The following SLC38A12 variants were observed in gnomAD, a reference collection of about 807,000 sequenced individuals.
SLC38A12 encodes solute carrier family 38 member 12.
At chr17:74,810,855 A>G in the SLC38A12 span, among the ~76,000 whole-genome samples, 4 of 152,210 alleles carry the variant, frequency 2.6e-5, no homozygotes, top group Non-Finnish European at 5.9e-5. Context: ...ACAGTGGTTC[A>G]TGGGATTTGG....
chr17:74,776,971 G>A, the SLC38A12 span, among the ~76,000 whole-genome samples: 54,196 of 151,854 alleles, frequency 0.36, 11,501 homozygotes, highest in Non-Finnish European at 0.48. Context: ...CTTGTGGTGG[G>A]TGAGACTTAG....
the SLC38A12 span, among the ~76,000 whole-genome samples, chr17:74,807,671 G>A: frequency 6.6e-6 from 1 of 152,232 alleles, no homozygotes; most frequent in Non-Finnish European, 1.5e-5. Flanking sequence ...GCTGGAATCC[G>A]TCCACTGCCG....
chr17:74,778,639 CTTTTTTTTTTTTT>C, the SLC38A12 span, among the ~76,000 whole-genome samples: 9 of 75,816 alleles, frequency 1.2e-4, no homozygotes, highest in African/African-American at 5.0e-4. Flanking sequence ...CAGGGGAAGT[CTTTTTTTTTTTTT>C]TTTTTTTTTT....
the SLC38A12 span, chr17:74,836,020 A>G: frequency 1.1e-5 from 17 of 1,610,374 alleles, no homozygotes; most frequent in Non-Finnish European, 1.4e-5. The surrounding 1 kb of genome is among the most constrained non-coding windows in gnomAD (Gnocchi z 4.2). Context: ...GGGGTCCGGA[A>G]CCTGTTTGGG....
chr17:74,828,344 G>A, the SLC38A12 span, among the ~76,000 whole-genome samples: 6 of 152,226 alleles, frequency 3.9e-5, 1 homozygote, highest in Non-Finnish European at 8.8e-5. Context: ...CATGCCTGGA[G>A]GAAGACCCTT....
the SLC38A12 span, chr17:74,777,404 CACTT>C: frequency 6.2e-7 from 1 of 1,614,050 alleles, no homozygotes; most frequent in African/African-American, 1.3e-5. Flanking sequence ...ACCTTTTGCT[CACTT>C]AAGTGTTCCT....
the SLC38A12 span, among the ~76,000 whole-genome samples, chr17:74,807,398 G>A: frequency 6.6e-6 from 1 of 152,256 alleles, no homozygotes. Flanking sequence ...AGGTTGCAAT[G>A]AGGGAAACTG....
the SLC38A12 span, among the ~76,000 whole-genome samples, chr17:74,784,253 C>T: frequency 6.6e-5 from 10 of 152,214 alleles, no homozygotes; most frequent in East Asian, 5.8e-4. Flanking sequence ...GTAAAGCATA[C>T]GGTATGTCAC....
At chr17:74,785,244 G>A in the SLC38A12 span, among the ~76,000 whole-genome samples, 1 of 152,210 alleles carries the variant, frequency 6.6e-6, no homozygotes, top group Admixed American at 6.5e-5. Context: ...AGCAGAGACT[G>A]AAACTGAACC....
At chr17:74,784,270 TAGC>T in the SLC38A12 span, among the ~76,000 whole-genome samples, 1 of 152,154 alleles carries the variant, frequency 6.6e-6, no homozygotes, top group African/African-American at 2.4e-5. Flanking sequence ...TCACCCAATT[TAGC>T]AGAGTACAGG....
chr17:74,789,543 CAAA>C, the SLC38A12 span, among the ~76,000 whole-genome samples: 23 of 110,688 alleles, frequency 2.1e-4, no homozygotes, highest in Admixed American at 3.0e-4. Flanking sequence ...GCAAGCATTT[CAAA>C]AAAAAAAAAA....
chr17:74,804,653 A>G, the SLC38A12 span, among the ~76,000 whole-genome samples: 1 of 152,202 alleles, frequency 6.6e-6, no homozygotes, highest in African/African-American at 2.4e-5. Context: ...GTGACTCTAG[A>G]AGGGTCTTGA....
chr17:74,794,736 G>C, the SLC38A12 span, among the ~76,000 whole-genome samples: 1 of 152,012 alleles, frequency 6.6e-6, no homozygotes, highest in African/African-American at 2.4e-5. Context: ...CCGTGCACCT[G>C]TCTGGCTTCA....
the SLC38A12 span, among the ~76,000 whole-genome samples, chr17:74,818,640 C>G: frequency 6.6e-6 from 1 of 152,178 alleles, no homozygotes; most frequent in Non-Finnish European, 1.5e-5. Flanking sequence ...GGCCAGAGCC[C>G]GACTCCCCAA....
the SLC38A12 span, among the ~76,000 whole-genome samples, chr17:74,800,700 T>C: frequency 6.6e-6 from 1 of 152,220 alleles, no homozygotes; most frequent in African/African-American, 2.4e-5. Context: ...GGCACCACTC[T>C]TGTTGCTTTC....
At chr17:74,808,074 A>G in the SLC38A12 span, among the ~76,000 whole-genome samples, 3 of 152,218 alleles carry the variant, frequency 2.0e-5, no homozygotes, top group African/African-American at 7.2e-5. Context: ...TCTGGCATCA[A>G]ATACTTGGAA....
chr17:74,808,980 G>A, the SLC38A12 span, among the ~76,000 whole-genome samples: 17 of 152,146 alleles, frequency 1.1e-4, no homozygotes, highest in Non-Finnish European at 1.6e-4. Context: ...TCCCACGCAC[G>A]GGCTCCTATG....
At chr17:74,832,627 T>C in the SLC38A12 span, among the ~76,000 whole-genome samples, 1 of 152,236 alleles carries the variant, frequency 6.6e-6, no homozygotes, top group African/African-American at 2.4e-5. Context: ...ACACTCGGTC[T>C]GCTCAGCCCC....
At chr17:74,797,188 C>T in the SLC38A12 span, among the ~76,000 whole-genome samples, 4 of 152,204 alleles carry the variant, frequency 2.6e-5, no homozygotes, top group African/African-American at 7.2e-5. Context: ...TATTTAGAAG[C>T]GTTATTCTTG....
Sources: gnomAD v4.1 joint callset for allele counts (sites outside exome capture counted in the v4.1 genomes callset) on GRCh38, gnomAD v4.1.1 for gene constraint, Gnocchi (gnomAD v3.1) non-coding constraint, MANE v1.5 for transcripts, NCBI Gene and HGNC (gene_info 2026-07-23, HGNC 2026-07-21) for gene names.